The following CTNNA2 variants were observed in gnomAD, a reference collection of about 807,000 sequenced individuals.
The protein encoded by CTNNA2 is catenin alpha-2.
Under a neutral mutation model 101.0 loss-of-function variants are expected in CTNNA2, and 42 were observed. That is an observed-to-expected ratio of 0.42 (90% CI 0.32 to 0.54). The LOEUF (loss-of-function observed/expected upper bound fraction) is 0.54. Ranked by LOEUF, CTNNA2 falls within the 20% of genes least tolerant of loss-of-function variation. The probability of loss-of-function intolerance (pLI) is 0.14; values close to 1 mark genes in which losing one functional copy is unlikely to be tolerated. For synonymous variants in CTNNA2, 450 were observed against 456.4 expected (o/e 0.99, Z 0.18); for missense variants, 871 against 1,223.1 (o/e 0.71, Z 4.29).
chr2:80,067,476 T>C (rs62141406), intron 7 of CTNNA2, among the ~76,000 whole-genome samples: 96,380 of 151,876 alleles, frequency 0.63, 34,360 homozygotes, highest in Non-Finnish European at 0.82. Context: ...ATTATTCTGG[T>C]GTGATTTGTT....
intron 2 of CTNNA2, among the ~76,000 whole-genome samples, chr2:79,734,398 G>C (rs994831105): frequency 2.0e-5 from 3 of 152,028 alleles, no homozygotes; most frequent in African/African-American, 4.8e-5. Flanking sequence ...GCCATCAACT[G>C]TAAGATATAT....
intron 2 of CTNNA2, among the ~76,000 whole-genome samples, chr2:79,202,173 A>G (rs1674043854): frequency 6.6e-6 from 1 of 152,154 alleles, no homozygotes; most frequent in Non-Finnish European, 1.5e-5. Flanking sequence ...GGTAAGCCTC[A>G]GAGGGATGAC....
At chr2:79,715,298 T>G (rs1686019212) in intron 2 of CTNNA2, among the ~76,000 whole-genome samples, 1 of 151,106 alleles carries the variant, frequency 6.6e-6, no homozygotes, top group Non-Finnish European at 1.5e-5. Flanking sequence ...AACGCCTTGC[T>G]AACATCTGCA....
chr2:79,887,638 G>A (rs1188723538), intron 6 of CTNNA2, among the ~76,000 whole-genome samples: 2 of 151,766 alleles, frequency 1.3e-5, no homozygotes, highest in Non-Finnish European at 2.9e-5. Flanking sequence ...TGCTTAATTG[G>A]GCTCCTACTA....
intron 7 of CTNNA2, among the ~76,000 whole-genome samples, chr2:79,949,648 C>A (rs1688744525): frequency 6.6e-6 from 1 of 152,180 alleles, no homozygotes; most frequent in African/African-American, 2.4e-5. Flanking sequence ...CATTGTGGTA[C>A]CTGCCTATAG....
chr2:79,376,584 AT>A (rs1677978575), intron 4 of CTNNA2, among the ~76,000 whole-genome samples: 1 of 151,974 alleles, frequency 6.6e-6, no homozygotes, highest in Non-Finnish European at 1.5e-5. Flanking sequence ...TGCTGCACCC[AT>A]TAACTCCTCA....
chr2:79,202,968 G>A (rs746143536), intron 2 of CTNNA2, among the ~76,000 whole-genome samples: 35 of 152,186 alleles, frequency 2.3e-4, no homozygotes, highest in Admixed American at 9.2e-4. Flanking sequence ...CAGTAGATCC[G>A]AATGGATTTA....
chr2:80,081,380 GGGGGCTGTTTTCGTTATCT>G (rs1699133052), intron 7 of CTNNA2, among the ~76,000 whole-genome samples: 1 of 151,764 alleles, frequency 6.6e-6, no homozygotes, highest in South Asian at 2.1e-4. Context: ...TAAAACATGG[GGGGGCTGTTTTCGTTATCT>G]GATGGTATGT....
intron 7 of CTNNA2, among the ~76,000 whole-genome samples, chr2:80,017,180 G>A (rs1228413406): frequency 1.3e-5 from 2 of 152,076 alleles, no homozygotes; most frequent in Non-Finnish European, 2.9e-5. Context: ...CCCTTCTAGA[G>A]TGTAAACTTA....
chr2:79,695,317 G>A (rs75112743), intron 2 of CTNNA2, among the ~76,000 whole-genome samples: 16,831 of 151,932 alleles, frequency 0.11, 1,061 homozygotes, highest in African/African-American at 0.16. Flanking sequence ...TTCATTTAAA[G>A]TAGAAGAGGA....
intron 2 of CTNNA2, among the ~76,000 whole-genome samples, chr2:79,242,633 T>C (rs536675554): frequency 2.4e-4 from 36 of 152,270 alleles, no homozygotes; most frequent in Admixed American, 3.3e-4. Flanking sequence ...TTTCCTCCAT[T>C]CCACGAAGGT....
At chr2:80,389,526 T>G (rs982177847) in intron 7 of CTNNA2, among the ~76,000 whole-genome samples, 2 of 152,078 alleles carry the variant, frequency 1.3e-5, no homozygotes, top group African/African-American at 2.4e-5. Flanking sequence ...TCTCTCTGTC[T>G]CACTCTCAGT....
intron 7 of CTNNA2, among the ~76,000 whole-genome samples, chr2:79,968,652 A>G (rs1690253301): frequency 6.6e-6 from 1 of 152,166 alleles, no homozygotes; most frequent in Non-Finnish European, 1.5e-5. Flanking sequence ...TGCAAAACCA[A>G]ACAACACAAA....
At chr2:79,831,861 CG>C (rs1167289071) in intron 3 of CTNNA2, among the ~76,000 whole-genome samples, 2 of 137,582 alleles carry the variant, frequency 1.5e-5, no homozygotes, top group Admixed American at 7.1e-5. Context: ...GCCTCTAAAT[CG>C]TTACAAATAA....
At chr2:79,482,706 C>T (rs1050657499) in intron 4 of CTNNA2, among the ~76,000 whole-genome samples, 18 of 152,228 alleles carry the variant, frequency 1.2e-4, no homozygotes, top group African/African-American at 4.3e-4. Flanking sequence ...CACCAGCATT[C>T]AGTCAGGGCA....
chr2:79,921,155 G>A (rs1686625007), intron 7 of CTNNA2, among the ~76,000 whole-genome samples: 1 of 152,184 alleles, frequency 6.6e-6, no homozygotes, highest in African/African-American at 2.4e-5. Context: ...CAGAATAACA[G>A]TCTCCTGCTG....
intron 7 of CTNNA2, among the ~76,000 whole-genome samples, chr2:80,284,604 A>G (rs1674613418): frequency 6.7e-6 from 1 of 149,354 alleles, no homozygotes; most frequent in African/African-American, 2.6e-5. Context: ...CCCTCCCATG[A>G]TCTCTGACAT....
chr2:80,467,231 C>T (rs1287161342), intron 9 of CTNNA2, among the ~76,000 whole-genome samples: 1 of 152,076 alleles, frequency 6.6e-6, no homozygotes, highest in Non-Finnish European at 1.5e-5. Flanking sequence ...GTACCTCCAT[C>T]CTTCATGCAC....
intron 7 of CTNNA2, among the ~76,000 whole-genome samples, chr2:79,992,871 G>A (rs1692278850): frequency 6.6e-6 from 1 of 152,178 alleles, no homozygotes; most frequent in African/African-American, 2.4e-5. Context: ...ATTGAAAAGG[G>A]AAAGTAGGAC....
Sources: allele counts gnomAD v4.1 joint callset (sites outside exome capture counted in the v4.1 genomes callset), GRCh38; gene constraint gnomAD v4.1.1; transcripts MANE v1.5; gene names NCBI Gene and HGNC (gene_info 2026-07-23, HGNC 2026-07-21).